The following MYCBP2 variants were observed in gnomAD, a reference collection of about 807,000 sequenced individuals.
MYCBP2 encodes MYC binding protein 2.
Under a neutral mutation model 525.3 loss-of-function variants are expected in MYCBP2, and 120 were observed. The ratio of observed to expected loss-of-function variants is 0.23; its 90% CI spans 0.20 to 0.27. The LOEUF is 0.27. Ranked by LOEUF, MYCBP2 falls within the 10% of genes least tolerant of loss-of-function variation. The probability of loss-of-function intolerance (pLI) is 1.00; values close to 1 mark genes in which losing one functional copy is unlikely to be tolerated. For missense variants in MYCBP2, 4,149 were observed against 5,657.1 expected (o/e 0.73, Z 8.55); for synonymous variants, 1,894 against 1,955.8 (o/e 0.97, Z 0.83).
intron 2 of MYCBP2, among the ~76,000 whole-genome samples, chr13:77,289,762 A>C (rs1280081838): frequency 1.3e-5 from 2 of 152,146 alleles, no homozygotes; most frequent in South Asian, 2.1e-4. Context: ...AAATGTTTTT[A>C]CTTGTAAAAA....
chr13:77,304,990 G>GA (rs552831639), intron 1 of MYCBP2, among the ~76,000 whole-genome samples: 10 of 151,374 alleles, frequency 6.6e-5, no homozygotes, highest in Admixed American at 3.3e-4. Flanking sequence ...TCTATATATT[G>GA]AAAAAAAACT....
Position 77,263,926 on chromosome 13 carries a change from T to C in MYCBP2, c.1431+3A>G. On this transcript the variant is annotated splice_donor_region_variant and intron_variant, in intron 9 of 82. Coordinates refer to ENST00000544440, the MANE Select transcript of MYCBP2 (RefSeq NM_015057.5). The stretch of plus-strand genomic sequence containing the variant: ...CTAGCTACTTAAGATTCAGGATACT[T>C]ACATCTCTTGAAGCAGCTATCTGAT... 6.2e-7 allele frequency: 1 copy of C among 1,611,290 alleles called. No homozygotes were observed. Among genetic ancestry groups the C allele is most frequent in the Non-Finnish European group, 8.5e-7 (1 of 1,178,316 alleles).
chr13:77,233,178 C>T lies in MYCBP2; in HGVS notation c.2715G>A (p.Lys905=). The T allele has an allele frequency of 6.2e-7, 1 of 1,613,692 alleles. No homozygotes were observed. Among genetic ancestry groups the T allele is most frequent in the Non-Finnish European group, 8.5e-7 (1 of 1,179,736 alleles). Residue 905 remains lysine, a synonymous_variant, in exon 18 of 83, where the codon AAG becomes AAA. Transcript: ENST00000544440. ...ARLRSHPAQL[K]HKRDKHKDGS... ...TACCTTTGTGCTTGTCCCGTTTATG[C>T]TTTAGCTGTGCTGGATGGGATCTGA...
Position 77,189,547 on chromosome 13 carries a change from G to A in MYCBP2, c.4155-500C>T, listed in dbSNP as rs371090840. The stretch of plus-strand genomic sequence containing the variant: ...AGTGATTACCAGAAAGAAAGATAGG[G>A]AGATAGAATCACAGTTCTAGACCAT... On this transcript the variant is annotated intron_variant, in intron 29 of 82. Coordinates refer to ENST00000544440, the MANE Select transcript of MYCBP2 (RefSeq NM_015057.5). Among the ~76,000 whole-genome samples the A allele has an allele frequency of 1.1e-4, 16 of 152,154 alleles. 1 individual carries two copies. The highest frequency in any genetic ancestry group is 9.8e-4 in the Admixed American group (15 of 15,290).
intron 62 of MYCBP2, among the ~76,000 whole-genome samples, chr13:77,084,990 G>A (rs2043984066): frequency 6.6e-6 from 1 of 151,830 alleles, no homozygotes; most frequent in East Asian, 1.9e-4. Flanking sequence ...TTCTCTCAAG[G>A]ATTACAGCCC....
rs1460948084 is a variant in MYCBP2 at position 77,077,231 on chromosome 13, C to T, written c.11641G>A (p.Ala3881Thr). ...GWKDGESTKI[A>T]GQISASVAQQ... is the part of the protein sequence containing the mutation. ...GCCACACTGGCTGAAATCTGGCCAG[C>T]TATTTTTGTGCTTTCACCATCTTTC... The change falls in exon 67 of 83, where the codon GCT (alanine) becomes ACT (threonine). Residue 3881 changes from alanine (A) to threonine (T), a missense_variant. Ala to Thr is a moderately conservative substitution (Grantham distance 58, BLOSUM62 0). This residue lies in a region of MYCBP2 where 509 missense variants were observed against 789.4 expected (regional missense o/e 0.64). Transcript: ENST00000544440. 1 of 1,614,040 alleles carries T rather than the reference C, an allele frequency of 6.2e-7. No individual in the cohort carries two copies. Among genetic ancestry groups the T allele is most frequent in the Non-Finnish European group, 8.5e-7 (1 of 1,179,960 alleles).
Position 77,168,501 on chromosome 13 carries a change from C to A in MYCBP2, c.6041G>T (p.Cys2014Phe). 1 of 1,614,018 alleles carries A rather than the reference C, an allele frequency of 6.2e-7. No individual in the cohort carries two copies. Among genetic ancestry groups the A allele is most frequent in the South Asian group, 1.1e-5 (1 of 91,068 alleles). Residue 2014 changes from cysteine (C) to phenylalanine (F), a missense_variant, in exon 40 of 83, where the codon TGT becomes TTT. Physicochemically the swap from Cys to Phe is radical, Grantham distance 205. Around this residue, in one of 21 missense-constraint regions of MYCBP2, gnomAD observed 692 missense variants for 852.7 expected, o/e 0.81. Coordinates refer to ENST00000544440, the MANE Select transcript of MYCBP2 (RefSeq NM_015057.5). ...GACAGCATAGTGACTGGAGGTTGTACAAGCAGAGAGGCCCTGTTCAGGCTG... is the reference window on the plus strand; with the variant it reads ...GACAGCATAGTGACTGGAGGTTGTAAAAGCAGAGAGGCCCTGTTCAGGCTG... ...GNQPEQGLSA[C>F]TTSSHYAVIE...
intron 55 of MYCBP2, 94 bp downstream of exon 55, chr13:77,121,279 T>C: frequency 8.7e-7 from 1 of 1,147,112 alleles, no homozygotes; most frequent in Non-Finnish European, 1.1e-6. Context: ...TTAATAAAGA[T>C]TTCTGGGTGA....
chr13:77,066,197 C>A, intron 71 of MYCBP2, 109 bp from the exon 72 acceptor site: 1 of 735,562 alleles, frequency 1.4e-6, no homozygotes, highest in Non-Finnish European at 2.2e-6. Flanking sequence ...TTTTAAGTGA[C>A]TGAATCAATT....
intron 8 of MYCBP2, among the ~76,000 whole-genome samples, chr13:77,267,533 T>G (rs894615473): frequency 1.3e-5 from 2 of 152,252 alleles, no homozygotes. Context: ...GCCAGAGTTC[T>G]GATTTTTATT....
chr13:77,083,667 C>T (rs1237976029), intron 62 of MYCBP2, among the ~76,000 whole-genome samples: 2 of 152,054 alleles, frequency 1.3e-5, no homozygotes, highest in Non-Finnish European at 2.9e-5. Context: ...CGCAAATGGA[C>T]CACAGCTAGG....
At chr13:77,320,494 T>G (rs939313721) in intron 1 of MYCBP2, among the ~76,000 whole-genome samples, 1 of 152,200 alleles carries the variant, frequency 6.6e-6, no homozygotes, top group African/African-American at 2.4e-5. Context: ...AATTATTTTT[T>G]AATTCATCAT....
At chr13:77,216,163 C>T (rs981223225) in intron 21 of MYCBP2, among the ~76,000 whole-genome samples, 2 of 152,090 alleles carry the variant, frequency 1.3e-5, no homozygotes, top group Non-Finnish European at 2.9e-5. Context: ...CTTGAAGGGG[C>T]TACTGCTGGC....
At chr13:77,118,179 T>C (rs1441485016) in intron 55 of MYCBP2, among the ~76,000 whole-genome samples, 1 of 152,202 alleles carries the variant, frequency 6.6e-6, no homozygotes. Context: ...GCAGAATGTC[T>C]TAGCTCAGAA....
intron 54 of MYCBP2, 51 bp downstream of exon 54, chr13:77,125,285 T>A: frequency 6.2e-7 from 1 of 1,606,840 alleles, no homozygotes; most frequent in Non-Finnish European, 8.5e-7. Flanking sequence ...GCATTAAACT[T>A]CTGTATTTGA....
At chr13:77,230,149 T>C (rs182860608) in intron 18 of MYCBP2, among the ~76,000 whole-genome samples, 1 of 152,062 alleles carries the variant, frequency 6.6e-6, no homozygotes, top group African/African-American at 2.4e-5. Flanking sequence ...ATTCTGACCT[T>C]CTCTGAATTT....
At chr13:77,185,730 T>C in intron 31 of MYCBP2, 141 bp downstream of exon 31, 1 of 610,020 alleles carries the variant, frequency 1.6e-6, no homozygotes, top group Non-Finnish European at 2.7e-6. Flanking sequence ...ATAAGCATCA[T>C]AGCAAGCTGA....
rs1027289314 is a variant in MYCBP2, at chr13:77,185,389, A to G, written c.4445-12T>C. ...TGCTTTTCCTGTAGCTTTGAGGGGG[A>G]AAAAGCAGATTGGTAATTAAGCAAA... On this transcript the variant is annotated splice_polypyrimidine_tract_variant and intron_variant, in intron 31 of 82. Transcript: ENST00000544440. 23 of 1,601,138 alleles carry G rather than the reference A, an allele frequency of 1.4e-5. No individual in the cohort carries two copies. Among genetic ancestry groups the G allele is most frequent in the Admixed American group, 1.4e-4 (8 of 58,542 alleles).
At chr13:77,225,796 G>T (rs2154296217) in intron 18 of MYCBP2, among the ~76,000 whole-genome samples, 1 of 152,188 alleles carries the variant, frequency 6.6e-6, no homozygotes, top group East Asian at 1.9e-4. Flanking sequence ...ATAAGATCTG[G>T]TTATGGATAA....
Sources: allele counts gnomAD v4.1 joint callset (sites outside exome capture counted in the v4.1 genomes callset), GRCh38; gene constraint gnomAD v4.1.1; regional missense constraint gnomAD v4.1.1; transcripts MANE v1.5; gene names NCBI Gene and HGNC (gene_info 2026-07-23, HGNC 2026-07-21).